KIF16B: variants seen among roughly 807,000 people sequenced by gnomAD.
KIF16B encodes the protein kinesin family member 16B.
Under a neutral mutation model 156.3 loss-of-function variants are expected in KIF16B, and 98 were observed. The observed-to-expected ratio is 0.63, with a 90% CI of 0.53 to 0.74. The LOEUF is 0.74. KIF16B is among the 30% of genes least tolerant of loss of function. The probability of loss-of-function intolerance (pLI) is 0.00; values close to 1 mark genes in which losing one functional copy is unlikely to be tolerated. For missense variants in KIF16B, 1,421 were observed against 1,606.5 expected (o/e 0.88, Z 1.97); for synonymous variants, 564 against 583.7 (o/e 0.97, Z 0.49).
chr20:16,417,033 C>T (rs1342078256), intron 15 of KIF16B, among the ~76,000 whole-genome samples: 1 of 152,092 alleles, frequency 6.6e-6, no homozygotes, highest in African/African-American at 2.4e-5. Flanking sequence ...TATTCCTTCC[C>T]TGTCCTCTCA....
chr20:16,353,316 C>T (rs1200466874), intron 23 of KIF16B, among the ~76,000 whole-genome samples: 1 of 152,006 alleles, frequency 6.6e-6, no homozygotes, highest in Admixed American at 6.5e-5. Context: ...AAAAGGTCAG[C>T]AATCTAAATT....
intron 23 of KIF16B, among the ~76,000 whole-genome samples, chr20:16,349,198 T>C (rs572033917): frequency 2.0e-5 from 3 of 152,308 alleles, no homozygotes; most frequent in African/African-American, 4.8e-5. Flanking sequence ...AAGGCTGAGA[T>C]GACAGAGAGG....
chr20:16,417,928 C>T (rs2066130920), intron 15 of KIF16B, among the ~76,000 whole-genome samples: 2 of 151,480 alleles, frequency 1.3e-5, no homozygotes, highest in South Asian at 2.1e-4. Flanking sequence ...TAATTGTAGT[C>T]GCAGAAGGAG....
chr20:16,275,466 C>T (rs1415787817), intron 25 of KIF16B, among the ~76,000 whole-genome samples: 1 of 152,162 alleles, frequency 6.6e-6, no homozygotes, highest in Admixed American at 6.5e-5. Context: ...TCCTAAGGCA[C>T]CTAACTTTAT....
chr20:16,326,480 C>T (rs1467490432), intron 24 of KIF16B, among the ~76,000 whole-genome samples: 2 of 150,200 alleles, frequency 1.3e-5, no homozygotes, highest in East Asian at 3.9e-4. Flanking sequence ...AAAAAAAAAC[C>T]CAAATAATCC....
At chr20:16,438,432 T>C (rs1447264231) in intron 12 of KIF16B, among the ~76,000 whole-genome samples, 1 of 152,200 alleles carries the variant, frequency 6.6e-6, no homozygotes, top group East Asian at 1.9e-4. Context: ...TCTTACTGTG[T>C]CTAATTTATA....
chr20:16,459,614 C>A (rs2067294144), intron 12 of KIF16B, among the ~76,000 whole-genome samples: 1 of 152,082 alleles, frequency 6.6e-6, no homozygotes, highest in African/African-American at 2.4e-5. Flanking sequence ...CATCCTCCAC[C>A]AAGGAGTTAT....
At chr20:16,409,955 A>G (rs1196487122) in intron 15 of KIF16B, among the ~76,000 whole-genome samples, 11 of 34,454 alleles carry the variant, frequency 3.2e-4, no homozygotes, top group Non-Finnish European at 9.9e-5. Context: ...CTACATATAT[A>G]TATATATATA....
intron 19 of KIF16B, 116 bp downstream of exon 19, chr20:16,378,689 T>G: frequency 9.1e-7 from 1 of 1,093,154 alleles, no homozygotes. Flanking sequence ...TATTAAAGAA[T>G]ATGAAGGCTA....
chr20:16,460,152 T>C (rs1463443376), intron 12 of KIF16B, among the ~76,000 whole-genome samples: 1 of 152,140 alleles, frequency 6.6e-6, no homozygotes, highest in African/African-American at 2.4e-5. Flanking sequence ...AAATAGAAAA[T>C]GCTGCAAAGA....
chr20:16,477,678 G>A (rs1252630017), intron 12 of KIF16B, among the ~76,000 whole-genome samples: 1 of 152,104 alleles, frequency 6.6e-6, no homozygotes, highest in East Asian at 1.9e-4. Context: ...TTAGGTTACA[G>A]GGAATGTTTG....
chr20:16,366,752 G>C (rs974766566), intron 22 of KIF16B: 1 of 794,884 alleles, frequency 1.3e-6, no homozygotes, highest in Non-Finnish European at 1.5e-6. Context: ...GCTAGACTGG[G>C]CACTTTTTCA....
intron 15 of KIF16B, among the ~76,000 whole-genome samples, chr20:16,422,922 G>C (rs1337237018): frequency 6.6e-6 from 1 of 151,808 alleles, no homozygotes; most frequent in Non-Finnish European, 1.5e-5. Flanking sequence ...AAGTTAATAA[G>C]CACACATAGT....
At chr20:16,491,111 G>A (rs2068276611) in intron 12 of KIF16B, among the ~76,000 whole-genome samples, 2 of 152,122 alleles carry the variant, frequency 1.3e-5, no homozygotes, top group Admixed American at 1.3e-4. Flanking sequence ...GGAGTGATCG[G>A]GGGAGGCGGG....
chr20:16,334,911 G>A (rs1381483552), intron 24 of KIF16B, among the ~76,000 whole-genome samples: 1 of 152,120 alleles, frequency 6.6e-6, no homozygotes, highest in Admixed American at 6.6e-5. Flanking sequence ...TTATAGCAAT[G>A]CAAACAAACT....
In KIF16B at chr20:16,573,216, C is replaced by A; in HGVS notation, c.47+13G>T. 1.3e-6 allele frequency: 2 copies of A among 1,578,626 alleles called. No homozygotes were observed. Among genetic ancestry groups the A allele is most frequent in the Admixed American group, 1.8e-5 (1 of 55,962 alleles). On this transcript the variant is annotated intron_variant, in intron 1 of 25. Coordinates refer to ENST00000354981, the MANE Select transcript of KIF16B (RefSeq NM_024704.5). ...GCGCGACGAGGGGGCGGGGCGCGGG[C>A]GGCCCCACTCACCTGCGATTCATGG... is the stretch of plus-strand genomic sequence containing the variant.
chr20:16,430,322 C>T (rs76817262), intron 12 of KIF16B, among the ~76,000 whole-genome samples: 2,867 of 152,218 alleles, frequency 0.019, 94 homozygotes, highest in African/African-American at 0.065. Flanking sequence ...CAAGATGTTG[C>T]CTTAGTTGAT....
intron 25 of KIF16B, among the ~76,000 whole-genome samples, chr20:16,284,254 A>T (rs1285021740): frequency 6.6e-6 from 1 of 152,098 alleles, no homozygotes; most frequent in Non-Finnish European, 1.5e-5. Flanking sequence ...ACCTAATTGT[A>T]CCTCCAAGAT....
chr20:16,301,988 T>C (rs2063478952), intron 25 of KIF16B, among the ~76,000 whole-genome samples: 1 of 152,188 alleles, frequency 6.6e-6, no homozygotes, highest in South Asian at 2.1e-4. Context: ...TGTGTTCTTA[T>C]TGTTGAGTTT....
Sources: allele counts gnomAD v4.1 joint callset (sites outside exome capture counted in the v4.1 genomes callset), GRCh38; gene constraint gnomAD v4.1.1; transcripts MANE v1.5; gene names NCBI Gene and HGNC (gene_info 2026-07-23, HGNC 2026-07-21).